The following CSTF3 variants were observed in gnomAD, a reference collection of about 807,000 sequenced individuals.
The protein encoded by CSTF3 is CF-1 77 kDa subunit.
Under a neutral mutation model 105.8 loss-of-function variants are expected in CSTF3, and 29 were observed. That is an observed-to-expected ratio of 0.27 (90% CI 0.20 to 0.37). CSTF3 has a LOEUF of 0.37. CSTF3 is among the 10% of genes least tolerant of loss of function. The probability of loss-of-function intolerance (pLI) is 1.00; values close to 1 mark genes in which losing one functional copy is unlikely to be tolerated. For missense variants in CSTF3, 357 were observed against 879.3 expected, an observed-to-expected ratio of 0.41 and a Z score of 7.51; for synonymous variants, 252 against 281.9, an observed-to-expected ratio of 0.89 and a Z score of 1.06.
At chr11:33,131,694 A>C (rs1364659856) in intron 3 of CSTF3, among the ~76,000 whole-genome samples, 1 of 151,522 alleles carries the variant, frequency 6.6e-6, no homozygotes, top group African/African-American at 2.4e-5. Flanking sequence ...AAAATACAAA[A>C]AAAAAAAATT....
At chr11:33,086,058 A>G (rs1467993275) in intron 18 of CSTF3, 69 bp from the exon 19 acceptor site, 9 of 964,870 alleles carry the variant, frequency 9.3e-6, no homozygotes, top group Non-Finnish European at 4.4e-6. Flanking sequence ...AAATCAAGTG[A>G]CTTGCACATA....
chr11:33,125,577 T>C, intron 3 of CSTF3, among the ~76,000 whole-genome samples: 1 of 152,190 alleles, frequency 6.6e-6, no homozygotes. Context: ...CCCATTCTGC[T>C]CTACTCAGAC....
intron 3 of CSTF3, among the ~76,000 whole-genome samples, chr11:33,139,829 T>C (rs982564018): frequency 1.3e-5 from 2 of 151,996 alleles, no homozygotes; most frequent in African/African-American, 4.8e-5. Context: ...TTCATTTCAT[T>C]ATATGAATTG....
intron 3 of CSTF3, among the ~76,000 whole-genome samples, chr11:33,128,841 T>C (rs1336300606): frequency 6.6e-6 from 1 of 152,066 alleles, no homozygotes; most frequent in Non-Finnish European, 1.5e-5. Context: ...ATAAAGCATG[T>C]TTTCTCTCTT....
chr11:33,149,198 G>C (rs1334359107), intron 1 of CSTF3, among the ~76,000 whole-genome samples: 1 of 152,168 alleles, frequency 6.6e-6, no homozygotes, highest in Non-Finnish European at 1.5e-5. Flanking sequence ...TCCCTAAAAT[G>C]CTATCCAGAT....
chr11:33,149,107 G>T (rs1044595214), intron 1 of CSTF3, among the ~76,000 whole-genome samples: 26 of 152,054 alleles, frequency 1.7e-4, no homozygotes, highest in Non-Finnish European at 2.9e-4. Flanking sequence ...GTAAATTCTG[G>T]CCTACATTAA....
chr11:33,150,337 A>G (rs1390884447), intron 1 of CSTF3, among the ~76,000 whole-genome samples: 1 of 152,160 alleles, frequency 6.6e-6, no homozygotes, highest in African/African-American at 2.4e-5. Flanking sequence ...TATGCATCCC[A>G]AAAACTTATT....
chr11:33,132,756 G>A (rs1164419703), intron 3 of CSTF3, among the ~76,000 whole-genome samples: 3 of 152,044 alleles, frequency 2.0e-5, no homozygotes, highest in East Asian at 1.9e-4. Flanking sequence ...AACTTTTAAC[G>A]AGTTAAATAA....
At chr11:33,157,223 C>T (rs1849878340) in intron 1 of CSTF3, among the ~76,000 whole-genome samples, 1 of 151,984 alleles carries the variant, frequency 6.6e-6, no homozygotes, top group African/African-American at 2.4e-5. Context: ...GGCATTGTGG[C>T]GTGTGCTTGT....
At chr11:33,135,908 T>C (rs926285211) in intron 3 of CSTF3, among the ~76,000 whole-genome samples, 2 of 152,114 alleles carry the variant, frequency 1.3e-5, no homozygotes, top group African/African-American at 4.8e-5. Flanking sequence ...TGAATAGAAG[T>C]ATTTAGATTT....
intron 17 of CSTF3, among the ~76,000 whole-genome samples, chr11:33,087,787 T>A (rs1176014310): frequency 6.6e-6 from 1 of 152,196 alleles, no homozygotes; most frequent in Non-Finnish European, 1.5e-5. Context: ...ACACAGCTAA[T>A]AAGAAGTAGA....
intron 5 of CSTF3, among the ~76,000 whole-genome samples, chr11:33,107,656 T>C (rs1257265550): frequency 6.6e-6 from 1 of 152,208 alleles, no homozygotes; most frequent in Non-Finnish European, 1.5e-5. Flanking sequence ...AACAAAGTGG[T>C]TTGGTGTTGC....
intron 1 of CSTF3, among the ~76,000 whole-genome samples, chr11:33,157,106 A>G (rs999268607): frequency 2.0e-5 from 3 of 152,130 alleles, no homozygotes; most frequent in African/African-American, 4.8e-5. Context: ...TAATCCCAGC[A>G]CTTTGGGAGG....
rs199887431 is a variant in CSTF3, at chr11:33,157,585, G to GA, written c.27+3713dup. 1.3e-3 allele frequency among the ~76,000 whole-genome samples: 196 copies of GA among 150,686 alleles called. 2 individuals carry two copies. Among genetic ancestry groups the GA allele is most frequent in the African/African-American group, 4.0e-3 (166 of 41,050 alleles). ...AAAATTGAACTTCCCTACTAGAGTTGAAAAAAAAATCACAGCAATAAACCT... is the reference window on the plus strand; with the variant it reads ...AAAATTGAACTTCCCTACTAGAGTTGAAAAAAAAAATCACAGCAATAAACCT... On this transcript the variant is annotated intron_variant, in intron 1 of 20. Coordinates refer to ENST00000323959, the MANE Select transcript of CSTF3 (RefSeq NM_001326.3).
intron 18 of CSTF3, among the ~76,000 whole-genome samples, chr11:33,086,642 TAGTC>T (rs375844845): frequency 2.6e-5 from 4 of 152,190 alleles, no homozygotes; most frequent in African/African-American, 4.8e-5. Flanking sequence ...TTCACCATGT[TAGTC>T]AGGCTGGTCT....
At chr11:33,110,190 G>A (rs1297812766) in intron 3 of CSTF3, among the ~76,000 whole-genome samples, 2 of 152,160 alleles carry the variant, frequency 1.3e-5, no homozygotes, top group African/African-American at 4.8e-5. Context: ...CACTGAAGCT[G>A]TGTTGGCAGT....
intron 10 of CSTF3, among the ~76,000 whole-genome samples, chr11:33,101,715 A>T (rs1170056407): frequency 6.6e-6 from 1 of 152,166 alleles, no homozygotes; most frequent in Non-Finnish European, 1.5e-5. Flanking sequence ...GGAAATAGGG[A>T]AATGTAAACC....
At chr11:33,102,765 T>C (rs1055039830) in intron 9 of CSTF3, among the ~76,000 whole-genome samples, 1 of 152,184 alleles carries the variant, frequency 6.6e-6, no homozygotes, top group African/African-American at 2.4e-5. Context: ...AATGTGTCCC[T>C]GAGAGCTATG....
At chr11:33,131,574 C>T (rs1016699276) in intron 3 of CSTF3, among the ~76,000 whole-genome samples, 2 of 152,100 alleles carry the variant, frequency 1.3e-5, no homozygotes, top group African/African-American at 2.4e-5. Flanking sequence ...AGGCCGGGTG[C>T]GGTGGCTCAC....
Sources: allele counts gnomAD v4.1 joint callset (sites outside exome capture counted in the v4.1 genomes callset), GRCh38; gene constraint gnomAD v4.1.1; transcripts MANE v1.5; gene names NCBI Gene and HGNC (gene_info 2026-07-23, HGNC 2026-07-21).